VPS13B: variants seen among roughly 807,000 people sequenced by gnomAD.
VPS13B encodes the protein vacuolar protein sorting 13 homolog B.
In VPS13B, 285 loss-of-function variants were observed where a neutral mutation model predicts 426.4. The observed-to-expected ratio is 0.67, with a 90% CI of 0.61 to 0.74. VPS13B has a LOEUF of 0.74. Among genes scored for constraint, VPS13B ranks in the 30% least tolerant of loss-of-function variants. VPS13B has a pLI of 0.00. For missense variants in VPS13B, 4,537 were observed against 4,782.6 expected (o/e 0.95, Z 1.51); for synonymous variants, 1,676 against 1,676.4 (o/e 1.00, Z 0.01).
chr8:99,802,402 A>G (rs560589802), intron 43 of VPS13B, among the ~76,000 whole-genome samples: 1 of 152,230 alleles, frequency 6.6e-6, no homozygotes, highest in Admixed American at 6.5e-5. Flanking sequence ...AGAAATGTGT[A>G]ATTTCTTTTT....
At chr8:99,300,932 A>G (rs970155526) in intron 19 of VPS13B, among the ~76,000 whole-genome samples, 16 of 144,220 alleles carry the variant, frequency 1.1e-4, no homozygotes, top group African/African-American at 4.1e-4. Flanking sequence ...TAATAAAAAT[A>G]TTAACTTTTG....
chr8:99,186,499 A>C (rs1813228400), intron 16 of VPS13B, among the ~76,000 whole-genome samples: 1 of 152,068 alleles, frequency 6.6e-6, no homozygotes, highest in Non-Finnish European at 1.5e-5. Context: ...TATTTTCTAC[A>C]TTTGTTAACC....
intron 14 of VPS13B, among the ~76,000 whole-genome samples, chr8:99,154,515 A>C (rs979983809): frequency 6.6e-6 from 1 of 152,202 alleles, no homozygotes; most frequent in African/African-American, 2.4e-5. Context: ...AAGGCAGCCC[A>C]AAAATTTGTA....
At chr8:99,076,697 T>A (rs1015823344) in intron 3 of VPS13B, among the ~76,000 whole-genome samples, 2 of 152,014 alleles carry the variant, frequency 1.3e-5, no homozygotes, top group Non-Finnish European at 2.9e-5. Context: ...TTGTTTTTTG[T>A]TTATATGCAA....
At chr8:99,731,256 C>T (rs1376686347) in intron 39 of VPS13B, among the ~76,000 whole-genome samples, 1 of 152,128 alleles carries the variant, frequency 6.6e-6, no homozygotes, top group Non-Finnish European at 1.5e-5. Flanking sequence ...GTACCAAGCA[C>T]CAAACTTGTC....
chr8:99,226,239 T>C (rs1816010857), intron 17 of VPS13B, among the ~76,000 whole-genome samples: 1 of 152,188 alleles, frequency 6.6e-6, no homozygotes, highest in African/African-American at 2.4e-5. Flanking sequence ...TGCTACTGCA[T>C]CTTCCTGCAA....
chr8:99,671,815 T>G (rs777761083), intron 35 of VPS13B, among the ~76,000 whole-genome samples: 132 of 152,128 alleles, frequency 8.7e-4, no homozygotes, highest in Non-Finnish European at 1.4e-3. Context: ...TAGTGAGAGA[T>G]AAGGATCTAC....
chr8:99,416,205 G>A (rs749380546), intron 21 of VPS13B, among the ~76,000 whole-genome samples: 3 of 152,160 alleles, frequency 2.0e-5, no homozygotes, highest in African/African-American at 4.8e-5. Flanking sequence ...CGATGGCTTT[G>A]TTTACACTGT....
At chr8:99,630,844 T>G (rs1029115064) in intron 33 of VPS13B, among the ~76,000 whole-genome samples, 6 of 152,106 alleles carry the variant, frequency 3.9e-5, no homozygotes. Flanking sequence ...AAGGAACTCT[T>G]GCAAGTGGCC....
intron 21 of VPS13B, among the ~76,000 whole-genome samples, chr8:99,421,901 T>C (rs1816397377): frequency 6.6e-6 from 1 of 151,994 alleles, no homozygotes; most frequent in Non-Finnish European, 1.5e-5. Context: ...AGGATGATCT[T>C]GAACCCCTGG....
At chr8:99,304,546 C>T (rs1410927203) in intron 19 of VPS13B, among the ~76,000 whole-genome samples, 1 of 151,936 alleles carries the variant, frequency 6.6e-6, no homozygotes, top group African/African-American at 2.4e-5. Context: ...ATTGGTAGTC[C>T]CAACATTTTT....
chr8:99,748,810 A>G (rs1563897942), intron 39 of VPS13B, among the ~76,000 whole-genome samples: 1 of 151,988 alleles, frequency 6.6e-6, no homozygotes. Context: ...CTATTAAACT[A>G]TTATGATGTA....
chr8:99,575,556 A>G, intron 31 of VPS13B, 102 bp from the exon 32 acceptor site: 1 of 1,428,808 alleles, frequency 7.0e-7, no homozygotes, highest in South Asian at 1.2e-5. Context: ...TAATAATGTA[A>G]TTTTGCCATA....
At position 99,833,249 on chromosome 8, in the gene VPS13B, A is replaced by T. The variant is rs577858773; in HGVS notation, c.9614+597A>T. On this transcript the variant is annotated intron_variant, in intron 52 of 61. Transcript: ENST00000357162. ...ACAACCACAGACTCAAACCAGAGAC[A>T]TATAATGGTTTGTTCATACTGGACT... 1.1e-4 allele frequency among the ~76,000 whole-genome samples: 16 copies of T among 152,354 alleles called. No individual in the cohort carries two copies. In the South Asian group the frequency reaches 3.3e-3, roughly 32 times the overall value.
intron 17 of VPS13B, among the ~76,000 whole-genome samples, chr8:99,267,329 A>G (rs895165812): frequency 1.3e-5 from 2 of 152,142 alleles, no homozygotes; most frequent in Admixed American, 1.3e-4. Context: ...TGAACTTGAG[A>G]GAGATGATTT....
intron 41 of VPS13B, among the ~76,000 whole-genome samples, chr8:99,778,389 A>G (rs1199119018): frequency 6.6e-6 from 1 of 152,174 alleles, no homozygotes. Context: ...TTCTCTTTAG[A>G]TAGATACCTG....
chr8:99,016,078 G>A lies in VPS13B; in HGVS notation c.147+2143G>A, dbSNP rs148279820. On this transcript the variant is annotated intron_variant, in intron 2 of 61. Transcript: ENST00000357162. ...ATGTTGTTAGAAGAGTTTGTTTTTC[G>A]TATTGTCAGTACTATTCCATTGCAT... 6.3e-3 allele frequency among the ~76,000 whole-genome samples: 965 copies of A among 152,188 alleles called. 8 individuals are homozygous for A. Among genetic ancestry groups the A allele is most frequent in the African/African-American group, 0.022 (905 of 41,518 alleles).
chr8:99,336,684 C>T (rs1014991810), intron 19 of VPS13B, among the ~76,000 whole-genome samples: 2 of 152,128 alleles, frequency 1.3e-5, no homozygotes, highest in African/African-American at 4.8e-5. Flanking sequence ...CAAATAACCC[C>T]ATCAAAAAGT....
rs1369894896 is a variant in VPS13B, at chr8:99,391,661, C to G, written c.3039C>G (p.Ala1013=). Residue 1013 remains alanine, a synonymous_variant, in exon 21 of 62, where the codon GCC becomes GCG. Transcript: ENST00000357162. ...TGGCAAAGCAGCAATCATATCAGGC[C>G]TCTGAATATGCCAGCAGCCCTGTAA... ...APLAKQQSYQ[A]SEYASSPVKT... The G allele has an allele frequency of 1.9e-6, 3 of 1,614,006 alleles. No homozygotes were observed. The highest frequency in any genetic ancestry group is 8.5e-7 in the Non-Finnish European group (1 of 1,180,030).
Sources: gnomAD v4.1 joint callset for allele counts (sites outside exome capture counted in the v4.1 genomes callset) on GRCh38, gnomAD v4.1.1 for gene constraint, MANE v1.5 for transcripts, NCBI Gene and HGNC (gene_info 2026-07-23, HGNC 2026-07-21) for gene names.